Variants in PRICKLE2 observed in about 807,000 individuals in gnomAD.
PRICKLE2 encodes prickle planar cell polarity protein 2, also known as prickle-like protein 2.
In PRICKLE2, 21 loss-of-function variants were observed where a neutral mutation model predicts 81.4. That is an observed-to-expected ratio of 0.26 (90% CI 0.18 to 0.37). The LOEUF is 0.37. Ranked by LOEUF, PRICKLE2 falls within the 10% of genes least tolerant of loss-of-function variation. The probability of loss-of-function intolerance (pLI) is 1.00; values close to 1 mark genes in which losing one functional copy is unlikely to be tolerated. For synonymous variants in PRICKLE2, 456 were observed against 421.5 expected, an observed-to-expected ratio of 1.08 and a Z score of -1.00; for missense variants, 940 against 1,109.0, an observed-to-expected ratio of 0.85 and a Z score of 2.16.
At chr3:64,100,127 C>T (rs2076634078) in intron 7 of PRICKLE2, 1 of 594,296 alleles carries the variant, frequency 1.7e-6, no homozygotes, top group East Asian at 2.8e-5. Context: ...AGAGGGGGCA[C>T]TTACTTAAAA....
chr3:64,149,453 G>C (rs1241807913), intron 6 of PRICKLE2, among the ~76,000 whole-genome samples: 1 of 152,236 alleles, frequency 6.6e-6, no homozygotes, highest in Non-Finnish European at 1.5e-5. Context: ...TGGCAGAATG[G>C]AAACTGGGAG....
intron 2 of PRICKLE2, among the ~76,000 whole-genome samples, chr3:64,169,837 A>C (rs1336232132): frequency 2.6e-5 from 4 of 152,132 alleles, no homozygotes; most frequent in African/African-American, 9.7e-5. Context: ...TAATATCTAA[A>C]ATGCACCTGA....
At position 64,099,078 on chromosome 3, in the gene PRICKLE2, CT is replaced by C; in HGVS notation, c.2507del (p.Gln836ArgfsTer53). 6.2e-7 allele frequency: 1 copy of C among 1,614,228 alleles called. No individual in the cohort carries two copies. Among genetic ancestry groups the C allele is most frequent in the Non-Finnish European group, 8.5e-7 (1 of 1,180,044 alleles). On this transcript the variant is annotated frameshift_variant, in exon 8 of 8. Transcript: ENST00000638394. LOFTEE classifies it high-confidence loss of function. This position sits in a 1 kb window ranked among gnomAD's most constrained non-coding sequence, Gnocchi z 4.3. ...GRGQLHSRKR[Q>X]KSKNCIIS ...AAGAAATGATACAGTTTTTGCTCTT[CT>C]GTCTTTTCCTGCTGTGCAACTGTCC... is the stretch of plus-strand genomic sequence containing the variant.
At chr3:64,188,628 G>A (rs2078279180) in intron 2 of PRICKLE2, among the ~76,000 whole-genome samples, 1 of 152,210 alleles carries the variant, frequency 6.6e-6, no homozygotes, top group East Asian at 1.9e-4. Context: ...CAGCTCAAAT[G>A]TCACTTCTGC....
intron 2 of PRICKLE2, among the ~76,000 whole-genome samples, chr3:64,197,308 C>T (rs1349523567): frequency 2.6e-5 from 4 of 152,068 alleles, no homozygotes; most frequent in African/African-American, 7.2e-5. Flanking sequence ...ATGGTATTAA[C>T]GTTTTTAGGT....
intron 2 of PRICKLE2, among the ~76,000 whole-genome samples, chr3:64,252,855 T>A (rs1353596484): frequency 1.3e-5 from 2 of 152,232 alleles, no homozygotes; most frequent in Non-Finnish European, 1.5e-5. Context: ...TCATGACTAT[T>A]CAACTCTGCC....
At chr3:64,111,659 A>T (rs1301934628) in intron 7 of PRICKLE2, among the ~76,000 whole-genome samples, 1 of 152,244 alleles carries the variant, frequency 6.6e-6, no homozygotes, top group Admixed American at 6.5e-5. Flanking sequence ...AAGATACCAG[A>T]TATAAAATAA....
At chr3:64,246,023 T>A (rs1273753194) in intron 2 of PRICKLE2, among the ~76,000 whole-genome samples, 1 of 152,108 alleles carries the variant, frequency 6.6e-6, no homozygotes, top group Non-Finnish European at 1.5e-5. Context: ...GGCAGGTGGA[T>A]CACTTGAGGC....
At chr3:64,161,324 G>A (rs1213726989) in intron 3 of PRICKLE2, among the ~76,000 whole-genome samples, 1 of 152,176 alleles carries the variant, frequency 6.6e-6, no homozygotes, top group Non-Finnish European at 1.5e-5. Context: ...CCCGTCTCCT[G>A]TTATACTTTG....
chr3:64,152,787 G>A (rs1297667973), intron 6 of PRICKLE2, among the ~76,000 whole-genome samples: 1 of 152,126 alleles, frequency 6.6e-6, no homozygotes, highest in Non-Finnish European at 1.5e-5. Context: ...ACCAAAGCAA[G>A]GCTGAAAAGA....
intron 2 of PRICKLE2, among the ~76,000 whole-genome samples, chr3:64,193,349 T>C (rs1575647110): frequency 6.6e-6 from 1 of 152,018 alleles, no homozygotes; most frequent in Non-Finnish European, 1.5e-5. Flanking sequence ...GCTAGTGGAG[T>C]CCCCTAGTCA....
At chr3:64,161,333 T>C (rs894810544) in intron 3 of PRICKLE2, among the ~76,000 whole-genome samples, 5 of 152,224 alleles carry the variant, frequency 3.3e-5, no homozygotes, top group South Asian at 2.1e-4. Context: ...TGTTATACTT[T>C]GGAGTAATCT....
chr3:64,146,285 C>T (rs2077449259), intron 7 of PRICKLE2: 1 of 162,610 alleles, frequency 6.1e-6, no homozygotes, highest in Admixed American at 5.7e-5. Context: ...CTTTCTCTCA[C>T]TCCCCTTCTC....
At chr3:64,136,310 G>T (rs1322557180) in intron 7 of PRICKLE2, among the ~76,000 whole-genome samples, 1 of 151,654 alleles carries the variant, frequency 6.6e-6, no homozygotes, top group Admixed American at 6.6e-5. Context: ...GAAGAGTCTG[G>T]GTTTCCTTAG....
chr3:64,190,109 C>T lies in PRICKLE2; in HGVS notation c.144+8675G>A, dbSNP rs559863510. On this transcript the variant is annotated intron_variant, in intron 2 of 7. Coordinates refer to ENST00000638394, the MANE Select transcript of PRICKLE2 (RefSeq NM_198859.4). ...CTTCTGAGTTTCACTCAAATGAATA[C>T]GTTAACTTCTGTAACAAATGAGATC... is the stretch of plus-strand genomic sequence containing the variant. 4.6e-5 allele frequency among the ~76,000 whole-genome samples: 7 copies of T among 152,316 alleles called. No individual in the cohort carries two copies. The East Asian group carries it at 5.8e-4, about 13-fold the overall frequency.
intron 2 of PRICKLE2, among the ~76,000 whole-genome samples, chr3:64,232,361 C>T (rs147908550): frequency 6.6e-6 from 1 of 152,318 alleles, no homozygotes; most frequent in East Asian, 1.9e-4. Context: ...GACAATGCTT[C>T]TTCTAATCTA....
Position 64,170,723 on chromosome 3 carries a change from A to C in PRICKLE2, c.145-7594T>G, listed in dbSNP as rs932171466. 1.7e-3 allele frequency among the ~76,000 whole-genome samples: 264 copies of C among 151,060 alleles called. 2 individuals carry two copies. Among genetic ancestry groups the C allele is most frequent in the African/African-American group, 6.3e-3 (256 of 40,934 alleles). On this transcript the variant is annotated intron_variant, in intron 2 of 7. Coordinates refer to ENST00000638394, the MANE Select transcript of PRICKLE2 (RefSeq NM_198859.4). ...AACATTAAAAAAAAAAAAAAAAAAA[A>C]AACAGCCTGGCTGTGGTGGTGCACA... is the stretch of plus-strand genomic sequence containing the variant.
chr3:64,177,915 T>C (rs2078054096), intron 2 of PRICKLE2, among the ~76,000 whole-genome samples: 1 of 152,246 alleles, frequency 6.6e-6, no homozygotes, highest in South Asian at 2.1e-4. Flanking sequence ...GTTGCATATA[T>C]ACCTAGGAGT....
At chr3:64,259,020 C>T (rs1260207979) in intron 2 of PRICKLE2, among the ~76,000 whole-genome samples, 5 of 152,008 alleles carry the variant, frequency 3.3e-5, no homozygotes, top group Non-Finnish European at 5.9e-5. Context: ...TTTCATTCAG[C>T]TGAACACCTA....
Sources: allele counts gnomAD v4.1 joint callset (sites outside exome capture counted in the v4.1 genomes callset), GRCh38; gene constraint gnomAD v4.1.1; non-coding constraint Gnocchi (gnomAD v3.1); transcripts MANE v1.5; gene names NCBI Gene and HGNC (gene_info 2026-07-23, HGNC 2026-07-21).